Variants in ZNF451 observed in about 807,000 individuals in gnomAD.
ZNF451 encodes the protein E3 SUMO-protein ligase ZNF451.
ZNF451 carries 80 observed loss-of-function variants against 107.1 expected under a neutral mutation model. That is an observed-to-expected ratio of 0.75 (90% confidence interval 0.62 to 0.90). The LOEUF (loss-of-function observed/expected upper bound fraction) is 0.90, where lower values mean the gene tolerates loss of function less well. Among genes scored for constraint, ZNF451 ranks in the 40% least tolerant of loss-of-function variants. The pLI is 0.00. For synonymous variants in ZNF451, 362 were observed against 406.5 expected, an observed-to-expected ratio of 0.89 and a Z score of 1.32; for missense variants, 1,107 against 1,236.2, an observed-to-expected ratio of 0.90 and a Z score of 1.57.
At chr6:57,101,651 A>G in intron 3 of ZNF451, 2 of 1,550,690 alleles carry the variant, frequency 1.3e-6, no homozygotes, top group Non-Finnish European at 8.7e-7. Context: ...CTGGTTCATG[A>G]CCCAGAATTT....
intron 2 of ZNF451, among the ~76,000 whole-genome samples, chr6:57,098,551 G>T (rs571614389): frequency 9.9e-5 from 15 of 152,116 alleles, no homozygotes; most frequent in African/African-American, 3.6e-4. Flanking sequence ...TTTGCCTATT[G>T]AATAAAATCT....
At chr6:57,159,855 A>G (rs1450950617) in intron 13 of ZNF451, among the ~76,000 whole-genome samples, 1 of 152,172 alleles carries the variant, frequency 6.6e-6, no homozygotes, top group Non-Finnish European at 1.5e-5. Flanking sequence ...TTTTTAATGT[A>G]TATTTTAAGT....
intron 3 of ZNF451, among the ~76,000 whole-genome samples, chr6:57,114,444 C>T (rs530852942): frequency 6.6e-6 from 1 of 152,036 alleles, no homozygotes; most frequent in Non-Finnish European, 1.5e-5. Flanking sequence ...TAAGTGATAA[C>T]GGTGTTTGGC....
At position 57,148,264 on chromosome 6, in the gene ZNF451, A is replaced by C. The variant is rs749488628; in HGVS notation, c.2179A>C (p.Ser727Arg). 1.2e-5 allele frequency: 19 copies of C among 1,613,990 alleles called. No individual in the cohort carries two copies. Among genetic ancestry groups the C allele is most frequent in the Non-Finnish European group, 1.6e-5 (19 of 1,179,934 alleles). The change falls in exon 10 of 15, where the codon AGT (serine) becomes CGT (arginine). Residue 727 changes from serine to arginine, a missense_variant. Physicochemically the swap from Ser to Arg is moderately radical, Grantham distance 110 (BLOSUM62 -1). Coordinates refer to ENST00000370706, the MANE Select transcript of ZNF451 (RefSeq NM_001031623.3). Reference protein sequence around the residue: ...SNQLTCGCRESYICKVNRKED... With the variant: ...SNQLTCGCRERYICKVNRKED... Reference sequence around the variant, plus strand: ...CCAGTTAACTTGTGGTTGCCGTGAGAGTTACATCTGTAAAGTCAACAGAAA... The same window carrying C: ...CCAGTTAACTTGTGGTTGCCGTGAGCGTTACATCTGTAAAGTCAACAGAAA...
At chr6:57,100,576 G>T (rs1447810037) in intron 3 of ZNF451, 7 of 1,450,772 alleles carry the variant, frequency 4.8e-6, no homozygotes, top group African/African-American at 4.3e-5. Flanking sequence ...TTCTTCCTTG[G>T]TTTTCTTGTT....
In ZNF451 at chr6:57,125,998, A is replaced by G. The variant is rs562520794; in HGVS notation, c.312+1139A>G. On this transcript the variant is annotated intron_variant, in intron 4 of 14. Coordinates refer to ENST00000370706, the MANE Select transcript of ZNF451 (RefSeq NM_001031623.3). The stretch of plus-strand genomic sequence containing the variant: ...TCTTTGACAGAGGGATCATTTGCAA[A>G]CTGTCTTACTTTCCCTCAGATTTCC... Among the ~76,000 whole-genome samples, 5 of 152,110 alleles carry G rather than the reference A, an allele frequency of 3.3e-5. No individual in the cohort carries two copies. The East Asian group carries it at 9.7e-4, about 29-fold the overall frequency.
At chr6:57,161,220 C>A in intron 14 of ZNF451, 68 bp downstream of exon 14, 1 of 928,286 alleles carries the variant, frequency 1.1e-6, no homozygotes, top group Non-Finnish European at 1.5e-6. Flanking sequence ...ATTTCTCTGT[C>A]TCTCACCCAT....
intron 13 of ZNF451, among the ~76,000 whole-genome samples, chr6:57,155,159 GCTTT>G (rs1180866588): frequency 2.0e-5 from 3 of 151,976 alleles, no homozygotes; most frequent in African/African-American, 7.3e-5. Context: ...TCTATCTGTG[GCTTT>G]CTTTTTTCTT....
chr6:57,148,262 A>T lies in ZNF451; in HGVS notation c.2177A>T (p.Glu726Val). ...TSNQLTCGCR[E>V]SYICKVNRKE... ...AACCAGTTAACTTGTGGTTGCCGTG[A>T]GAGTTACATCTGTAAAGTCAACAGA... is the stretch of plus-strand genomic sequence containing the variant. Residue 726 changes from glutamate (E) to valine (V), a missense_variant, in exon 10 of 15, where the codon GAG becomes GTG. By Grantham distance (121) the Glu-to-Val change is moderately radical. Around this residue, in one of 5 missense-constraint regions of ZNF451, gnomAD observed 608 missense variants for 649.2 expected, o/e 0.94. Transcript: ENST00000370706. 2 of 1,614,004 alleles carry T rather than the reference A, an allele frequency of 1.2e-6. No individual in the cohort carries two copies. The highest frequency in any genetic ancestry group is 2.2e-5 in the South Asian group (2 of 91,058).
At chr6:57,108,571 G>A (rs538084007) in intron 3 of ZNF451, 502 of 985,252 alleles carry the variant, frequency 5.1e-4, no homozygotes, top group African/African-American at 1.6e-3. Context: ...TATGCAGCCC[G>A]TTCCTTTTTG....
intron 4 of ZNF451, among the ~76,000 whole-genome samples, chr6:57,127,359 A>G (rs1830979405): frequency 6.6e-6 from 1 of 152,198 alleles, no homozygotes; most frequent in Non-Finnish European, 1.5e-5. Context: ...TAAAAAATGT[A>G]TATAATGCAT....
At chr6:57,129,051 T>C (rs376358356) in intron 5 of ZNF451, among the ~76,000 whole-genome samples, 1 of 152,160 alleles carries the variant, frequency 6.6e-6, no homozygotes, top group South Asian at 2.1e-4. Flanking sequence ...GTATAAGCAA[T>C]ATAGGTCGTA....
intron 3 of ZNF451, chr6:57,103,477 C>T: frequency 1.0e-6 from 1 of 985,382 alleles, no homozygotes; most frequent in Non-Finnish European, 1.2e-6. Flanking sequence ...CAGCAGATAC[C>T]TCAATTATAT....
intron 3 of ZNF451, among the ~76,000 whole-genome samples, chr6:57,121,504 A>G (rs771755421): frequency 6.6e-6 from 1 of 152,180 alleles, no homozygotes; most frequent in Non-Finnish European, 1.5e-5. Context: ...CTATCTGTGA[A>G]CATGAAATAC....
At chr6:57,109,751 T>G in intron 3 of ZNF451, 1 of 911,846 alleles carries the variant, frequency 1.1e-6, no homozygotes, top group Non-Finnish European at 1.3e-6. Flanking sequence ...TAAGAAATGC[T>G]CATAATAATA....
chr6:57,113,267 C>G (rs539605769), intron 3 of ZNF451, among the ~76,000 whole-genome samples: 1 of 151,782 alleles, frequency 6.6e-6, no homozygotes, highest in Non-Finnish European at 1.5e-5. Flanking sequence ...TGTTAGTTCA[C>G]TAAGCCCTCC....
intron 7 of ZNF451, among the ~76,000 whole-genome samples, chr6:57,138,911 G>A (rs188095917): frequency 3.3e-5 from 5 of 150,172 alleles, no homozygotes; most frequent in African/African-American, 9.8e-5. Context: ...GGCCAAGTAT[G>A]CCATATTTTT....
At chr6:57,157,603 A>G (rs1763488169) in intron 13 of ZNF451, among the ~76,000 whole-genome samples, 1 of 152,204 alleles carries the variant, frequency 6.6e-6, no homozygotes, top group African/African-American at 2.4e-5. Flanking sequence ...AAATTCTTGT[A>G]GAGACATTTA....
Position 57,147,785 on chromosome 6 carries a change from A to T in ZNF451, c.1700A>T (p.Glu567Val). ...HRYFYEMDEV[E>V]GETLPSSSTT... ...TATTTTTATGAGATGGATGAGGTAG[A>T]AGGTGAAACTTTGCCATCATCCTCT... The change falls in exon 10 of 15, where the codon GAA (glutamate) becomes GTA (valine). Residue 567 changes from glutamate to valine, a missense_variant. Around this residue, in one of 5 missense-constraint regions of ZNF451, gnomAD observed 608 missense variants for 649.2 expected, o/e 0.94. Transcript: ENST00000370706. 6.2e-7 allele frequency: 1 copy of T among 1,613,950 alleles called. No individual in the cohort carries two copies. Among genetic ancestry groups the T allele is most frequent in the Non-Finnish European group, 8.5e-7 (1 of 1,179,982 alleles).
Sources: gnomAD v4.1 joint callset for allele counts (sites outside exome capture counted in the v4.1 genomes callset) on GRCh38, gnomAD v4.1.1 for gene constraint, gnomAD v4.1.1 regional missense constraint, MANE v1.5 for transcripts, NCBI Gene and HGNC (gene_info 2026-07-23, HGNC 2026-07-21) for gene names.